The following PLPP4 variants were observed in gnomAD, a reference collection of about 807,000 sequenced individuals.
The protein encoded by PLPP4 is phospholipid phosphatase 4, also known as diacylglycerol pyrophosphate like 2.
PLPP4 carries 20 observed loss-of-function variants against 32.2 expected under a neutral mutation model. That is an observed-to-expected ratio of 0.62 (90% CI 0.44 to 0.90). PLPP4 has a LOEUF of 0.90. Among genes scored for constraint, PLPP4 ranks in the 40% least tolerant of loss-of-function variants. The probability of loss-of-function intolerance (pLI) is 0.00; values close to 1 mark genes in which losing one functional copy is unlikely to be tolerated. For synonymous variants in PLPP4, 127 were observed against 133.0 expected, an observed-to-expected ratio of 0.95 and a Z score of 0.31; for missense variants, 257 against 353.1, an observed-to-expected ratio of 0.73 and a Z score of 2.18.
chr10:120,552,408 G>A (rs1847952385), intron 5 of PLPP4, among the ~76,000 whole-genome samples: 2 of 152,100 alleles, frequency 1.3e-5, no homozygotes, highest in African/African-American at 4.8e-5. Context: ...CAAAATCAGG[G>A]TGGTATATCA....
intron 1 of PLPP4, among the ~76,000 whole-genome samples, chr10:120,487,631 A>G (rs961935382): frequency 3.2e-4 from 48 of 152,210 alleles, no homozygotes; most frequent in Non-Finnish European, 6.5e-4. Flanking sequence ...GAATGAAATA[A>G]TGTATGTTAA....
intron 5 of PLPP4, among the ~76,000 whole-genome samples, chr10:120,526,192 C>CTT: frequency 6.6e-6 from 1 of 152,074 alleles, no homozygotes; most frequent in Non-Finnish European, 1.5e-5. Flanking sequence ...TTCTTGAACT[C>CTT]TGATTAGAAA....
chr10:120,567,064 C>A (rs774136772), intron 5 of PLPP4, among the ~76,000 whole-genome samples: 8 of 152,136 alleles, frequency 5.3e-5, no homozygotes, highest in Non-Finnish European at 8.8e-5. Flanking sequence ...TTTTTCTCTC[C>A]CTTCATTTTT....
intron 5 of PLPP4, among the ~76,000 whole-genome samples, chr10:120,548,642 A>G (rs1847744012): frequency 6.6e-6 from 1 of 152,164 alleles, no homozygotes; most frequent in African/African-American, 2.4e-5. Context: ...AAGTTCTTTG[A>G]GAAATTGCCA....
intron 6 of PLPP4, among the ~76,000 whole-genome samples, chr10:120,586,122 T>C (rs1849740636): frequency 1.7e-5 from 1 of 58,468 alleles, no homozygotes; most frequent in African/African-American, 6.0e-5. Context: ...TTCTCTTTTC[T>C]TTTTCTTTTT....
At chr10:120,464,307 A>G (rs2133778561) in intron 1 of PLPP4, among the ~76,000 whole-genome samples, 1 of 152,342 alleles carries the variant, frequency 6.6e-6, no homozygotes, top group East Asian at 1.9e-4. Context: ...ATTAAATGGG[A>G]CAGTATCCAG....
intron 3 of PLPP4, among the ~76,000 whole-genome samples, chr10:120,516,401 A>C (rs560505880): frequency 6.6e-6 from 1 of 152,316 alleles, no homozygotes; most frequent in African/African-American, 2.4e-5. Context: ...GGATGAGAGG[A>C]GTGAGGTTTG....
rs1849945805 is a variant in PLPP4, at chr10:120,590,018, T to C, written c.*516T>C. 2.6e-5 allele frequency among the ~76,000 whole-genome samples: 4 copies of C among 152,190 alleles called. No individual in the cohort carries two copies. The highest frequency in any genetic ancestry group is 6.5e-5 in the Admixed American group (1 of 15,280). ...TCATAGCCCACGTCTCTAAAATAGA[T>C]TTGAAACTTGGAGTGACAGCTTGAG... On this transcript the variant is annotated 3_prime_UTR_variant, in exon 7 of 7. Coordinates refer to ENST00000398250, the MANE Select transcript of PLPP4 (RefSeq NM_001030059.3).
chr10:120,493,822 TC>T (rs1273206350), intron 1 of PLPP4, among the ~76,000 whole-genome samples: 1 of 152,078 alleles, frequency 6.6e-6, no homozygotes, highest in Non-Finnish European at 1.5e-5. Flanking sequence ...GGCAGCTTAC[TC>T]CCCACATATA....
At chr10:120,555,021 G>A (rs1384981356) in intron 5 of PLPP4, among the ~76,000 whole-genome samples, 3 of 151,856 alleles carry the variant, frequency 2.0e-5, no homozygotes, top group African/African-American at 4.8e-5. Flanking sequence ...CCAAACCCAC[G>A]TTTGAGAAAT....
At chr10:120,515,341 T>C (rs957820565) in intron 3 of PLPP4, among the ~76,000 whole-genome samples, 2 of 152,204 alleles carry the variant, frequency 1.3e-5, no homozygotes, top group Non-Finnish European at 2.9e-5. Flanking sequence ...CCAGCCTGAT[T>C]CTTCTGCCTC....
At chr10:120,550,813 A>G (rs1847863866) in intron 5 of PLPP4, among the ~76,000 whole-genome samples, 1 of 152,088 alleles carries the variant, frequency 6.6e-6, no homozygotes, top group Admixed American at 6.6e-5. Context: ...AATATAGAAT[A>G]ATATCTTTGG....
At chr10:120,551,250 A>C (rs1159140171) in intron 5 of PLPP4, among the ~76,000 whole-genome samples, 1 of 152,192 alleles carries the variant, frequency 6.6e-6, no homozygotes, top group Non-Finnish European at 1.5e-5. Flanking sequence ...ATGGGTATGG[A>C]TTTAAGTGTA....
At chr10:120,503,345 C>G (rs1008845327) in intron 1 of PLPP4, among the ~76,000 whole-genome samples, 1 of 152,206 alleles carries the variant, frequency 6.6e-6, no homozygotes, top group Non-Finnish European at 1.5e-5. Flanking sequence ...ATCTCTGCCC[C>G]TTTCTTCCCC....
At chr10:120,501,369 G>A (rs1044909047) in intron 1 of PLPP4, among the ~76,000 whole-genome samples, 3 of 152,072 alleles carry the variant, frequency 2.0e-5, no homozygotes, top group Admixed American at 6.6e-5. Flanking sequence ...AACAAAGACC[G>A]AAAACTGTCT....
intron 1 of PLPP4, among the ~76,000 whole-genome samples, chr10:120,492,546 A>G (rs1334177728): frequency 6.6e-6 from 1 of 152,094 alleles, no homozygotes; most frequent in Non-Finnish European, 1.5e-5. Context: ...GCATTACCTC[A>G]CTGTTTATTC....
At chr10:120,499,408 CT>C (rs765911858) in intron 1 of PLPP4, among the ~76,000 whole-genome samples, 1,886 of 141,852 alleles carry the variant, frequency 0.013, 25 homozygotes, top group South Asian at 0.088. Context: ...TTTTGCCATG[CT>C]TTTTTTTTTT....
chr10:120,562,513 C>G (rs780314177), intron 5 of PLPP4, among the ~76,000 whole-genome samples: 1 of 152,054 alleles, frequency 6.6e-6, no homozygotes, highest in South Asian at 2.1e-4. Flanking sequence ...TGTTACTGAT[C>G]TTAAGGGAAT....
At chr10:120,563,428 G>A (rs912245198) in intron 5 of PLPP4, among the ~76,000 whole-genome samples, 14 of 151,894 alleles carry the variant, frequency 9.2e-5, no homozygotes, top group Non-Finnish European at 1.3e-4. Context: ...TTTTTTGGAG[G>A]GATGCCTGGA....
Sources: gnomAD v4.1 joint callset for allele counts (sites outside exome capture counted in the v4.1 genomes callset) on GRCh38, gnomAD v4.1.1 for gene constraint, MANE v1.5 for transcripts, NCBI Gene and HGNC (gene_info 2026-07-23, HGNC 2026-07-21) for gene names.